The following PLAT variants were observed in gnomAD, a reference collection of about 807,000 sequenced individuals.
PLAT encodes the protein plasminogen activator, tissue type.
In PLAT, 48 loss-of-function variants were observed where a neutral mutation model predicts 74.9. The ratio of observed to expected loss-of-function variants is 0.64; its 90% CI spans 0.51 to 0.82. The LOEUF (loss-of-function observed/expected upper bound fraction) is 0.82, where lower values mean the gene tolerates loss of function less well. PLAT is among the 40% of genes least tolerant of loss of function. The probability of loss-of-function intolerance (pLI) is 0.00; values close to 1 mark genes in which losing one functional copy is unlikely to be tolerated. For missense variants in PLAT, 673 were observed against 736.2 expected (o/e 0.91, Z 0.99); for synonymous variants, 307 against 294.4 (o/e 1.04, Z -0.44).
In PLAT at chr8:42,175,729, G is replaced by A. The variant is rs1292745455; in HGVS notation, c.*264C>T. 1.6e-5 allele frequency: 6 copies of A among 364,824 alleles called. No homozygotes were observed. The East Asian group carries it at 2.7e-4, about 16-fold the overall frequency. 22.6% of individuals were successfully genotyped at this position (364,824 alleles called of 1,614,324 possible). A position where few individuals can be genotyped will look rare whatever the true frequency, so the allele number is the denominator to read the frequency against. ...GGGTGGCATGGCCACTTTCTGCCCA[G>A]GGAGGAGGCATTCCTGGAGAGGCTA... On this transcript the variant is annotated 3_prime_UTR_variant, in exon 14 of 14. Transcript: ENST00000220809.
intron 2 of PLAT, among the ~76,000 whole-genome samples, 174 bp downstream of exon 2, chr8:42,192,940 G>C (rs185385362): frequency 2.2e-3 from 340 of 152,318 alleles, no homozygotes; most frequent in African/African-American, 7.7e-3. Context: ...AGAGTTTGCT[G>C]TACAGAAGGG....
At chr8:42,181,374 C>G (rs758722017) in intron 9 of PLAT, among the ~76,000 whole-genome samples, 2 of 152,232 alleles carry the variant, frequency 1.3e-5, no homozygotes, top group African/African-American at 4.8e-5. Flanking sequence ...GCCAGCTCCC[C>G]TGTGTGAAAT....
rs762188636 is a variant in PLAT at position 42,193,188 on chromosome 8, T to C, written c.-3A>G. ...AGCCCTCTCTTCATTGCATCCATGA[T>C]TGCTTCACAGCGTCCCTTAAATTCT... On this transcript the variant is annotated 5_prime_UTR_variant, in exon 2 of 14. Coordinates refer to ENST00000220809, the MANE Select transcript of PLAT (RefSeq NM_000930.5). 9.9e-6 allele frequency: 16 copies of C among 1,611,712 alleles called. No individual in the cohort carries two copies.
chr8:42,204,353 G>A (rs1007438147), intron 1 of PLAT, among the ~76,000 whole-genome samples: 11 of 152,110 alleles, frequency 7.2e-5, no homozygotes, highest in East Asian at 5.8e-4. Context: ...CTTATTGTCC[G>A]TCCCAACAAT....
chr8:42,203,346 T>A (rs1806205733), intron 1 of PLAT, among the ~76,000 whole-genome samples: 1 of 152,202 alleles, frequency 6.6e-6, no homozygotes, highest in Non-Finnish European at 1.5e-5. Flanking sequence ...GTTAGCCAAG[T>A]CGCTGCTGGG....
chr8:42,193,283 C>A, intron 1 of PLAT, 72 bp from the exon 2 acceptor site: 3 of 970,974 alleles, frequency 3.1e-6, no homozygotes, highest in Non-Finnish European at 4.9e-6. Context: ...GAGGATAAGC[C>A]GCAATGTTGT....
At position 42,179,025 on chromosome 8, in the gene PLAT, C is replaced by T. The variant is rs557377668; in HGVS notation, c.1402G>A (p.Val468Ile). 3 of 1,613,508 alleles carry T rather than the reference C, an allele frequency of 1.9e-6. No individual in the cohort carries two copies. Among genetic ancestry groups the T allele is most frequent in the Non-Finnish European group, 2.5e-6 (3 of 1,179,414 alleles). Reference protein sequence around the residue: ...FYSERLKEAHVRLYPSSRCTS... With the variant: ...FYSERLKEAHIRLYPSSRCTS... ...CAGCGGCTGGATGGGTACAGTCTGA[C>T]ATGAGCCTCCTTCAGCCGCTCCGAA... The change falls in exon 13 of 14, where the codon GTC (valine) becomes ATC (isoleucine). Residue 468 changes from valine (V) to isoleucine (I), a missense_variant. By Grantham distance (29) the Val-to-Ile change is conservative (BLOSUM62 3). Transcript: ENST00000220809.
At chr8:42,202,013 T>C (rs893681927) in intron 1 of PLAT, among the ~76,000 whole-genome samples, 2 of 152,040 alleles carry the variant, frequency 1.3e-5, no homozygotes, top group East Asian at 1.9e-4. Context: ...TGACCAGTAG[T>C]CTCTCTTTCT....
At chr8:42,191,162 T>A (rs1805668581) in intron 3 of PLAT, among the ~76,000 whole-genome samples, 1 of 152,006 alleles carries the variant, frequency 6.6e-6, no homozygotes, top group Non-Finnish European at 1.5e-5. Context: ...CTGTTTCTGC[T>A]CCCCTCAGAA....
At chr8:42,206,977 C>G (rs1806364602) in intron 1 of PLAT, among the ~76,000 whole-genome samples, 1 of 152,152 alleles carries the variant, frequency 6.6e-6, no homozygotes, top group Admixed American at 6.5e-5. Context: ...ACCTGCTTCT[C>G]TCTCCCAGCA....
chr8:42,197,953 G>A (rs796742436), intron 1 of PLAT, among the ~76,000 whole-genome samples: 21 of 152,320 alleles, frequency 1.4e-4, no homozygotes, highest in African/African-American at 5.1e-4. Context: ...GTTCTGTTGT[G>A]AGAACATACG....
chr8:42,180,466 C>A, intron 10 of PLAT, 24 bp downstream of exon 10: 5 of 1,613,886 alleles, frequency 3.1e-6, no homozygotes, highest in Non-Finnish European at 4.2e-6. Flanking sequence ...GGTGGAAAAA[C>A]CAACTGGGTT....
intron 1 of PLAT, among the ~76,000 whole-genome samples, chr8:42,205,320 A>C (rs966365370): frequency 6.6e-6 from 1 of 152,208 alleles, no homozygotes. Context: ...TGAGGTCACG[A>C]GTTCAAGACC....
chr8:42,198,803 G>A (rs75029669), intron 1 of PLAT, among the ~76,000 whole-genome samples: 1 of 152,096 alleles, frequency 6.6e-6, no homozygotes, highest in Non-Finnish European at 1.5e-5. Flanking sequence ...CTGAGCAAGA[G>A]AAAGTCAGTC....
intron 1 of PLAT, chr8:42,195,740 A>T (rs1432219072): frequency 6.6e-6 from 1 of 152,026 alleles, no homozygotes; most frequent in Non-Finnish European, 1.5e-5. Context: ...ATTTTATCCC[A>T]TTACTTAATC....
rs8178748 is a variant in PLAT at position 42,187,501 on chromosome 8, C to T, written c.436G>A (p.Ala146Thr). The T allele has an allele frequency of 8.6e-5, 138 of 1,611,358 alleles. No homozygotes were observed. In the African/African-American group the frequency reaches 1.1e-3, roughly 13 times the overall value. ...CTGCTGTTCCAGTTGGTGCACTCGGCGCCACTCTCCGCTGTGCTCCACGTG... is the reference window on the plus strand; with the variant it reads ...CTGCTGTTCCAGTTGGTGCACTCGGTGCCACTCTCCGCTGTGCTCCACGTG... The part of the protein sequence containing the change: ...RGTWSTAESG[A>T]ECTNWNSSAL... The change falls in exon 6 of 14, where the codon GCC (alanine) becomes ACC (threonine). Residue 146 changes from alanine to threonine, a missense_variant. Transcript: ENST00000220809.
rs753553474 is a variant in PLAT at position 42,179,026 on chromosome 8, A to C, written c.1401T>G (p.His467Gln). The change falls in exon 13 of 14, where the codon CAT (histidine) becomes CAG (glutamine). Residue 467 changes from histidine (H) to glutamine (Q), a missense_variant. Physicochemically the swap from His to Gln is conservative, Grantham distance 24. Coordinates refer to ENST00000220809, the MANE Select transcript of PLAT (RefSeq NM_000930.5). The stretch of plus-strand genomic sequence containing the variant: ...AGCGGCTGGATGGGTACAGTCTGAC[A>C]TGAGCCTCCTTCAGCCGCTCCGAAT... ...PFYSERLKEA[H>Q]VRLYPSSRCT... 60 of 1,613,482 alleles carry C rather than the reference A, an allele frequency of 3.7e-5. No individual in the cohort carries two copies. The highest frequency in any genetic ancestry group is 5.0e-5 in the Non-Finnish European group (59 of 1,179,470).
intron 12 of PLAT, 126 bp downstream of exon 12, chr8:42,179,800 G>C: frequency 1.1e-6 from 1 of 924,400 alleles, no homozygotes; most frequent in Non-Finnish European, 1.6e-6. Context: ...ACAGGGAGAC[G>C]GGACTGGCGT....
chr8:42,185,857 G>A (rs1010002394), intron 6 of PLAT: 5 of 152,168 alleles, frequency 3.3e-5, no homozygotes, highest in East Asian at 1.9e-4. Context: ...GTTGGGCCTC[G>A]TCCAATCACT....
Sources: gnomAD v4.1 joint callset for allele counts (sites outside exome capture counted in the v4.1 genomes callset) on GRCh38, gnomAD v4.1.1 for gene constraint, MANE v1.5 for transcripts, NCBI Gene and HGNC (gene_info 2026-07-23, HGNC 2026-07-21) for gene names.